Variants in MCC observed in about 807,000 individuals in gnomAD.
The protein encoded by MCC is colorectal mutant cancer protein.
MCC carries 90 observed loss-of-function variants against 116.2 expected under a neutral mutation model. The ratio of observed to expected loss-of-function variants is 0.77; its 90% CI spans 0.65 to 0.92. MCC has a LOEUF of 0.92. MCC is among the 40% of genes least tolerant of loss of function. The pLI is 0.00. For missense variants in MCC, 1,516 were observed against 1,312.2 expected (o/e 1.16, Z -2.40); for synonymous variants, 578 against 510.5 (o/e 1.13, Z -1.78).
At position 113,022,801 on chromosome 5, in the gene MCC, CTG is replaced by C. The variant is rs764688076; in HGVS notation, c.*4499_*4500del. 3 of 152,204 alleles carry C rather than the reference CTG, an allele frequency of 2.0e-5. No individual in the cohort carries two copies. Among genetic ancestry groups the C allele is most frequent in the East Asian group, 1.9e-4 (1 of 5,200 alleles). 9.4% of individuals were successfully genotyped at this position (152,204 alleles called of 1,614,324 possible). On this transcript the variant is annotated 3_prime_UTR_variant, in exon 19 of 19. Coordinates refer to ENST00000408903, the MANE Select transcript of MCC (RefSeq NM_001085377.2). Reference sequence around the variant, plus strand: ...TTTCACCTGATTAGCAGATGGATGACTGTGGAAAGATGAAGTACTAGTCAAGG... The same window carrying C: ...TTTCACCTGATTAGCAGATGGATGACTGGAAAGATGAAGTACTAGTCAAGG...
At chr5:113,260,778 TTAA>T (rs1418731530) in intron 3 of MCC, among the ~76,000 whole-genome samples, 1 of 151,998 alleles carries the variant, frequency 6.6e-6, no homozygotes, top group Non-Finnish European at 1.5e-5. Flanking sequence ...AAGTACATTA[TTAA>T]TATTACTATC....
Position 113,183,905 on chromosome 5 carries a change from C to T in MCC, c.628-32483G>A, listed in dbSNP as rs142965333. 1.9e-3 allele frequency among the ~76,000 whole-genome samples: 289 copies of T among 152,078 alleles called. 9 individuals are homozygous for T. In the East Asian group the frequency reaches 0.049, roughly 26 times the overall value. ...CTGCTGCTCTCCTCCCTCCTCTGCC[C>T]GCCCCCACCCATCTTCACAATTCCC... On this transcript the variant is annotated intron_variant, in intron 3 of 18. Transcript: ENST00000408903.
At chr5:113,264,113 G>T (rs1181790622) in intron 3 of MCC, among the ~76,000 whole-genome samples, 1 of 152,130 alleles carries the variant, frequency 6.6e-6, no homozygotes, top group African/African-American at 2.4e-5. Flanking sequence ...TTTTTCAGTT[G>T]TAAGACTTTG....
At chr5:113,096,742 G>A (rs2150251543) in intron 8 of MCC, among the ~76,000 whole-genome samples, 1 of 152,286 alleles carries the variant, frequency 6.6e-6, no homozygotes, top group East Asian at 1.9e-4. Flanking sequence ...ACGTGCACCT[G>A]TCCCCTAACC....
At chr5:113,322,190 A>G (rs1204192874) in intron 3 of MCC, among the ~76,000 whole-genome samples, 1 of 152,212 alleles carries the variant, frequency 6.6e-6, no homozygotes. Flanking sequence ...TTTGTGGACC[A>G]CACTTACTAC....
intron 1 of MCC, among the ~76,000 whole-genome samples, chr5:113,440,273 C>T (rs1190933462): frequency 6.6e-6 from 1 of 151,934 alleles, no homozygotes; most frequent in Non-Finnish European, 1.5e-5. Context: ...CTCTCATGGC[C>T]CTTAGAAAAA....
intron 8 of MCC, among the ~76,000 whole-genome samples, chr5:113,090,536 C>A (rs1260655786): frequency 1.3e-5 from 2 of 151,914 alleles, no homozygotes; most frequent in Non-Finnish European, 2.9e-5. Context: ...GGGCATTGGC[C>A]GAAACAAAAT....
chr5:113,137,548 A>G (rs1005654769), intron 5 of MCC, among the ~76,000 whole-genome samples: 1 of 152,106 alleles, frequency 6.6e-6, no homozygotes, highest in African/African-American at 2.4e-5. Context: ...ATCCCACTCG[A>G]TCATGGTGAA....
chr5:113,171,040 G>A (rs964646170), intron 3 of MCC, among the ~76,000 whole-genome samples: 4 of 152,004 alleles, frequency 2.6e-5, no homozygotes, highest in Non-Finnish European at 5.9e-5. Context: ...TCAAAGGCAT[G>A]TGACCATGTC....
chr5:113,153,337 C>G (rs1037363402), intron 3 of MCC, among the ~76,000 whole-genome samples: 2 of 152,118 alleles, frequency 1.3e-5, no homozygotes, highest in African/African-American at 4.8e-5. Flanking sequence ...GAGGGAAAAG[C>G]TGAGAGAATG....
chr5:113,470,855 A>G (rs186248765), intron 1 of MCC, among the ~76,000 whole-genome samples: 1,867 of 152,108 alleles, frequency 0.012, 40 homozygotes, highest in African/African-American at 0.044. Context: ...ATAGTCCCAT[A>G]TTTCTTGGAG....
intron 15 of MCC, among the ~76,000 whole-genome samples, chr5:113,052,744 G>C (rs1752567826): frequency 6.6e-6 from 1 of 152,140 alleles, no homozygotes; most frequent in Non-Finnish European, 1.5e-5. Context: ...CTAGACTCCA[G>C]TTCCTGACCG....
chr5:113,061,961 G>A (rs2150228402), intron 14 of MCC, among the ~76,000 whole-genome samples: 1 of 152,318 alleles, frequency 6.6e-6, no homozygotes, highest in Middle Eastern at 3.4e-3. Flanking sequence ...GGTGCTTTGG[G>A]ACTTTATTCT....
intron 2 of MCC, among the ~76,000 whole-genome samples, chr5:113,375,138 C>A (rs1768951446): frequency 6.6e-6 from 1 of 151,980 alleles, no homozygotes. Context: ...AGGTTGAATA[C>A]TTTCTATTGA....
chr5:113,279,757 A>G (rs533824284), intron 3 of MCC, among the ~76,000 whole-genome samples: 1 of 152,362 alleles, frequency 6.6e-6, no homozygotes, highest in East Asian at 1.9e-4. Flanking sequence ...GACAATATAC[A>G]TTTAACAATA....
At chr5:113,123,361 A>G (rs55665496) in intron 5 of MCC, among the ~76,000 whole-genome samples, 2 of 152,246 alleles carry the variant, frequency 1.3e-5, no homozygotes, top group African/African-American at 2.4e-5. Context: ...ATCAGCATGT[A>G]TAAGAAAGAC....
chr5:113,266,989 G>A (rs1016910659), intron 3 of MCC, among the ~76,000 whole-genome samples: 2 of 152,040 alleles, frequency 1.3e-5, no homozygotes, highest in Non-Finnish European at 2.9e-5. Context: ...ATGTGGCCTC[G>A]GGCAAATAAT....
At chr5:113,362,714 T>C (rs1768579527) in intron 2 of MCC, among the ~76,000 whole-genome samples, 1 of 152,146 alleles carries the variant, frequency 6.6e-6, no homozygotes. Flanking sequence ...TACTTCACCA[T>C]TTAAAAATTA....
At chr5:113,139,786 T>C (rs538714591) in intron 5 of MCC, among the ~76,000 whole-genome samples, 3 of 152,294 alleles carry the variant, frequency 2.0e-5, no homozygotes, top group African/African-American at 4.8e-5. Flanking sequence ...ATCATTCTAC[T>C]ATAAAGACAC....
Sources: gnomAD v4.1 joint callset for allele counts (sites outside exome capture counted in the v4.1 genomes callset) on GRCh38, gnomAD v4.1.1 for gene constraint, MANE v1.5 for transcripts, NCBI Gene and HGNC (gene_info 2026-07-23, HGNC 2026-07-21) for gene names.